The following MDM1 variants were observed in gnomAD, a reference collection of about 807,000 sequenced individuals.
MDM1 encodes stabilizer of axonemal microtubules 6.
A neutral mutation model predicts 89.1 loss-of-function variants in MDM1; 61 were observed. The observed-to-expected ratio is 0.68, with a 90% CI of 0.56 to 0.85. MDM1 has a LOEUF of 0.85. Among genes scored for constraint, MDM1 ranks in the 40% least tolerant of loss-of-function variants. The pLI is 0.00. For synonymous variants in MDM1, 290 were observed against 294.1 expected, an observed-to-expected ratio of 0.99 and a Z score of 0.14; for missense variants, 820 against 846.5, an observed-to-expected ratio of 0.97 and a Z score of 0.39.
intron 7 of MDM1, among the ~76,000 whole-genome samples, chr12:68,318,374 T>C (rs778913051): frequency 8.5e-5 from 13 of 152,102 alleles, no homozygotes; most frequent in Non-Finnish European, 1.9e-4. Flanking sequence ...AGTCATCCAG[T>C]TTTATTTGAC....
At chr12:68,306,975 T>C (rs1050207439) in intron 12 of MDM1, among the ~76,000 whole-genome samples, 1 of 152,100 alleles carries the variant, frequency 6.6e-6, no homozygotes, top group Non-Finnish European at 1.5e-5. Flanking sequence ...ATAAAGAAAA[T>C]GTAGTACATA....
intron 12 of MDM1, among the ~76,000 whole-genome samples, chr12:68,303,707 G>C (rs573823712): frequency 6.6e-6 from 1 of 152,276 alleles, no homozygotes; most frequent in South Asian, 2.1e-4. Flanking sequence ...ATTTCATGAT[G>C]TGAAAATATG....
chr12:68,308,109 T>C (rs1424394114), intron 12 of MDM1, among the ~76,000 whole-genome samples: 1 of 151,536 alleles, frequency 6.6e-6, no homozygotes, highest in Non-Finnish European at 1.5e-5. Flanking sequence ...GGAAAAACAC[T>C]TGCACTTGCT....
chr12:68,316,763 C>A (rs1388806688), intron 7 of MDM1, among the ~76,000 whole-genome samples, 153 bp from the exon 8 acceptor site: 2 of 152,190 alleles, frequency 1.3e-5, no homozygotes, highest in Admixed American at 6.5e-5. Flanking sequence ...AGTTCAGTAA[C>A]CAAGATACCT....
At chr12:68,298,089 G>C (rs1311746564) in intron 13 of MDM1, among the ~76,000 whole-genome samples, 1 of 152,102 alleles carries the variant, frequency 6.6e-6, no homozygotes, top group African/African-American at 2.4e-5. Context: ...ACTGCAGCTG[G>C]TGCTCTTTTG....
intron 1 of MDM1, among the ~76,000 whole-genome samples, chr12:68,331,819 G>C (rs757119670): frequency 2.2e-4 from 34 of 152,168 alleles, no homozygotes; most frequent in Admixed American, 1.4e-3. Flanking sequence ...TCTTTACTAA[G>C]AACCCATTTC....
intron 14 of MDM1, among the ~76,000 whole-genome samples, chr12:68,295,663 T>C (rs1455958473): frequency 2.0e-5 from 3 of 152,218 alleles, no homozygotes; most frequent in Middle Eastern, 3.2e-3. Flanking sequence ...GATTTCAGTA[T>C]TACTTGAAAA....
intron 12 of MDM1, 54 bp downstream of exon 12, chr12:68,313,389 T>C (rs779462449): frequency 2.0e-5 from 24 of 1,191,616 alleles, no homozygotes; most frequent in Non-Finnish European, 1.9e-5. Context: ...TTATTACATG[T>C]GTCTACAATA....
At chr12:68,310,825 A>T (rs2120917804) in intron 12 of MDM1, among the ~76,000 whole-genome samples, 1 of 152,260 alleles carries the variant, frequency 6.6e-6, no homozygotes, top group Non-Finnish European at 1.5e-5. Flanking sequence ...AAAATTCCCT[A>T]TAGATTTTCA....
chr12:68,315,353 C>T, intron 9 of MDM1, 88 bp from the exon 10 acceptor site: 2 of 1,239,198 alleles, frequency 1.6e-6, no homozygotes, highest in Non-Finnish European at 1.1e-6. Flanking sequence ...TCATTTCCTT[C>T]TACTGTTCAC....
chr12:68,315,667 T>C (rs114296876), intron 9 of MDM1, among the ~76,000 whole-genome samples: 1 of 152,150 alleles, frequency 6.6e-6, no homozygotes, highest in Non-Finnish European at 1.5e-5. Flanking sequence ...CAGAGCGCTC[T>C]TCCATAAAAT....
chr12:68,315,176 T>G lies in MDM1; in HGVS notation c.1301A>C (p.Asn434Thr), dbSNP rs1401452753. 4 of 1,614,232 alleles carry G rather than the reference T, an allele frequency of 2.5e-6. No individual in the cohort carries two copies. The South Asian group carries it at 4.4e-5, about 18-fold the overall frequency. ...TGACACACCCAATTTCTCCGTGGTA[T>G]TTTTCTGGGGCTGTTCTTCCACGAT... ...GNIVEEQPQKNTTEKLGVSAP... is the reference protein window; with the variant it reads ...GNIVEEQPQKTTTEKLGVSAP... Residue 434 changes from asparagine to threonine, a missense_variant, in exon 10 of 15, where the codon AAT becomes ACT. Coordinates refer to ENST00000682720, the MANE Select transcript of MDM1 (RefSeq NM_001354969.2).
chr12:68,321,649 G>C (rs1565781427), intron 5 of MDM1, 21 bp from the exon 6 acceptor site: 7 of 1,496,288 alleles, frequency 4.7e-6, no homozygotes, highest in Non-Finnish European at 6.5e-6. Context: ...AATCATTTAA[G>C]CTTTTTATGC....
chr12:68,295,385 G>A lies in MDM1; in HGVS notation c.2063-19C>T, dbSNP rs758627871. On this transcript the variant is annotated intron_variant, in intron 14 of 14. Coordinates refer to ENST00000682720, the MANE Select transcript of MDM1 (RefSeq NM_001354969.2). ...TCCTCATCTGCAATGAAAAAATCCC[G>A]AGATTATATTCATTGCCAAAAATAT... 29 of 1,493,760 alleles carry A rather than the reference G, an allele frequency of 1.9e-5. No homozygotes were observed. Among genetic ancestry groups the A allele is most frequent in the Middle Eastern group, 1.7e-4 (1 of 5,838 alleles). 92.5% of individuals were successfully genotyped at this position (1,493,760 alleles called of 1,614,324 possible).
intron 13 of MDM1, among the ~76,000 whole-genome samples, chr12:68,299,748 T>A (rs762835989): frequency 6.6e-6 from 1 of 152,180 alleles, no homozygotes; most frequent in Non-Finnish European, 1.5e-5. Flanking sequence ...GGCTAAAAGT[T>A]TGGAAAATTC....
intron 12 of MDM1, among the ~76,000 whole-genome samples, chr12:68,306,146 A>C (rs936668060): frequency 1.3e-5 from 2 of 151,788 alleles, no homozygotes; most frequent in Admixed American, 1.3e-4. Flanking sequence ...AAAGATGACC[A>C]AAAAAAATGA....
chr12:68,321,597 T>C lies in MDM1; in HGVS notation c.833A>G (p.Glu278Gly), dbSNP rs761972220. The change falls in exon 6 of 15, where the codon GAA (glutamate) becomes GGA (glycine). Residue 278 changes from glutamate to glycine, a missense_variant. By Grantham distance (98) the Glu-to-Gly change is moderately conservative. Coordinates refer to ENST00000682720, the MANE Select transcript of MDM1 (RefSeq NM_001354969.2). ...SNKIDDRLKL[E>G]AEMELKDLHQ... ...TAAGTCTTTTAATTCCATCTCTGCT[T>C]CCAATTTTAAACGATCGTCTATTTT... 2 of 1,612,308 alleles carry C rather than the reference T, an allele frequency of 1.2e-6. No homozygotes were observed. The highest frequency in any genetic ancestry group is 1.7e-6 in the Non-Finnish European group (2 of 1,179,482).
intron 12 of MDM1, among the ~76,000 whole-genome samples, chr12:68,308,480 T>C (rs972321102): frequency 6.6e-6 from 1 of 152,186 alleles, no homozygotes; most frequent in Non-Finnish European, 1.5e-5. Context: ...CATGGGCACC[T>C]TCCTCATCAG....
At chr12:68,295,428 T>C in intron 14 of MDM1, 62 bp from the exon 15 acceptor site, 2 of 1,039,584 alleles carry the variant, frequency 1.9e-6, no homozygotes, top group Non-Finnish European at 1.4e-6. Context: ...ATAAACATTG[T>C]GTTTTATATA....
Sources: allele counts gnomAD v4.1 joint callset (sites outside exome capture counted in the v4.1 genomes callset), GRCh38; gene constraint gnomAD v4.1.1; transcripts MANE v1.5; gene names NCBI Gene and HGNC (gene_info 2026-07-23, HGNC 2026-07-21).